SORCS2: variants seen among roughly 807,000 people sequenced by gnomAD.
The protein encoded by SORCS2 is sortilin related VPS10 domain containing receptor 2, also known as VPS10 domain-containing receptor SorCS2.
A neutral mutation model predicts 141.6 loss-of-function variants in SORCS2; 100 were observed. That is an observed-to-expected ratio of 0.71 (90% CI 0.60 to 0.83). SORCS2 has a LOEUF of 0.83. Among genes scored for constraint, SORCS2 ranks in the 40% least tolerant of loss-of-function variants. The probability of loss-of-function intolerance (pLI) is 0.00; values close to 1 mark genes in which losing one functional copy is unlikely to be tolerated. For synonymous variants in SORCS2, 789 were observed against 676.9 expected (o/e 1.17, Z -2.57); for missense variants, 1,646 against 1,560.2 (o/e 1.05, Z -0.93).
intron 3 of SORCS2, among the ~76,000 whole-genome samples, chr4:7,620,426 A>G (rs994873983): frequency 3.3e-5 from 5 of 152,192 alleles, no homozygotes; most frequent in Non-Finnish European, 7.4e-5. Flanking sequence ...CCCTGGGGAT[A>G]CAGCCCTGGC....
At chr4:7,636,986 G>A (rs1380953218) in intron 3 of SORCS2, among the ~76,000 whole-genome samples, 1 of 152,098 alleles carries the variant, frequency 6.6e-6, no homozygotes, top group Non-Finnish European at 1.5e-5. Context: ...GTGATGTGCA[G>A]ATGTGTCCCC....
rs1424120699 is a variant in SORCS2, at chr4:7,712,813, G to A, written c.1949G>A (p.Gly650Asp). 1 of 1,613,948 alleles carries A rather than the reference G, an allele frequency of 6.2e-7. No homozygotes were observed. The highest frequency in any genetic ancestry group is 1.7e-5 in the Admixed American group (1 of 60,026). ...CGGCCCTCATTCTCCAGGCAGTGCG[G>A]CGAGGAGGACTACAGCTCCTGGGAG... ...DFRPSFSRQC[G>D]EEDYSSWELS... The change falls in exon 15 of 27, where the codon GGC (glycine) becomes GAC (aspartate). Residue 650 changes from glycine to aspartate, a missense_variant. Physicochemically the swap from Gly to Asp is moderately conservative, Grantham distance 94. Coordinates refer to ENST00000507866, the MANE Select transcript of SORCS2 (RefSeq NM_020777.3).
intron 3 of SORCS2, among the ~76,000 whole-genome samples, chr4:7,580,948 G>T (rs1716102370): frequency 1.3e-5 from 2 of 152,154 alleles, no homozygotes; most frequent in East Asian, 3.9e-4. Context: ...ATGCCCTGGG[G>T]TGTTTATTCT....
Position 7,617,376 on chromosome 4 carries a change from A to G in SORCS2, c.649-20952A>G, listed in dbSNP as rs113020295. Among the ~76,000 whole-genome samples the G allele has an allele frequency of 7.9e-3, 1,203 of 151,548 alleles. 23 individuals carry two copies. The highest frequency in any genetic ancestry group is 0.028 in the African/African-American group (1,156 of 41,264). ...TATGCACCTACCCATCCACCCACCC[A>G]CCCGTGCATGCATACACCCTTTCCT... On this transcript the variant is annotated intron_variant, in intron 3 of 26. Transcript: ENST00000507866.
chr4:7,388,913 G>T (rs1660863735), intron 1 of SORCS2, among the ~76,000 whole-genome samples: 1 of 152,150 alleles, frequency 6.6e-6, no homozygotes, highest in East Asian at 1.9e-4. Flanking sequence ...TTGTGGTGTT[G>T]TGGTGTTGTG....
intron 2 of SORCS2, among the ~76,000 whole-genome samples, chr4:7,486,925 T>C (rs1731024344): frequency 6.6e-6 from 1 of 152,238 alleles, no homozygotes; most frequent in African/African-American, 2.4e-5. Context: ...CCAAATAAGG[T>C]CACATTCAGA....
intron 2 of SORCS2, among the ~76,000 whole-genome samples, chr4:7,447,239 G>T (rs1220713154): frequency 6.6e-6 from 1 of 152,146 alleles, no homozygotes; most frequent in Non-Finnish European, 1.5e-5. Flanking sequence ...GAGGGGAAGG[G>T]TGCCTAGGCC....
At chr4:7,231,380 A>T (rs1711870970) in intron 1 of SORCS2, among the ~76,000 whole-genome samples, 1 of 152,226 alleles carries the variant, frequency 6.6e-6, no homozygotes, top group African/African-American at 2.4e-5. Flanking sequence ...ACACCCCTGC[A>T]GAAATACCCA....
chr4:7,606,437 G>A (rs1224211215), intron 3 of SORCS2, among the ~76,000 whole-genome samples: 4 of 152,076 alleles, frequency 2.6e-5, no homozygotes, highest in Non-Finnish European at 5.9e-5. Flanking sequence ...CTGGCTTCTC[G>A]TTCCGACTCC....
At chr4:7,486,919 A>T (rs576270660) in intron 2 of SORCS2, among the ~76,000 whole-genome samples, 1 of 152,332 alleles carries the variant, frequency 6.6e-6, no homozygotes, top group South Asian at 2.1e-4. Context: ...CTTTCTCCAA[A>T]TAAGGTCACA....
At chr4:7,416,487 C>T (rs1264701697) in intron 2 of SORCS2, among the ~76,000 whole-genome samples, 5 of 152,148 alleles carry the variant, frequency 3.3e-5, no homozygotes, top group Admixed American at 6.5e-5. Context: ...CACTCATGCA[C>T]GCTCACACAG....
intron 1 of SORCS2, among the ~76,000 whole-genome samples, chr4:7,209,995 C>T (rs1055474419): frequency 4.6e-5 from 7 of 152,194 alleles, no homozygotes; most frequent in African/African-American, 1.7e-4. Context: ...TTACAGCCCT[C>T]TGGGACGGGA....
In SORCS2 at chr4:7,676,101, G is replaced by C; in HGVS notation, c.1213G>C (p.Glu405Gln). The C allele has an allele frequency of 6.3e-7, 1 of 1,587,342 alleles. No individual in the cohort carries two copies. The highest frequency in any genetic ancestry group is 2.3e-5 in the East Asian group (1 of 43,604). The change falls in exon 9 of 27, where the codon GAG becomes CAG. Residue 405 changes from glutamate to glutamine, a missense_variant. Glu to Gln is a conservative substitution (Grantham distance 29, BLOSUM62 2). Coordinates refer to ENST00000507866, the MANE Select transcript of SORCS2 (RefSeq NM_020777.3). ...DESQVFVAVQEWYQMDTYNLY... is the reference protein window; with the variant it reads ...DESQVFVAVQQWYQMDTYNLY... ...GAGTCAGGTGTTCGTGGCGGTGCAG[G>C]AGTGGTACCAGATGGACACCTACAA...
chr4:7,556,707 T>C (rs1714132723), intron 3 of SORCS2, among the ~76,000 whole-genome samples: 1 of 148,540 alleles, frequency 6.7e-6, no homozygotes, highest in South Asian at 2.2e-4. Flanking sequence ...CACCTACCCA[T>C]CCACCATTCA....
intron 1 of SORCS2, among the ~76,000 whole-genome samples, chr4:7,326,933 G>C (rs946782855): frequency 6.6e-5 from 10 of 151,726 alleles, no homozygotes; most frequent in African/African-American, 2.4e-4. Flanking sequence ...GGCAGTCAGG[G>C]TGCAGTGGCC....
At chr4:7,485,352 C>A (rs1036467178) in intron 2 of SORCS2, among the ~76,000 whole-genome samples, 10 of 152,238 alleles carry the variant, frequency 6.6e-5, no homozygotes, top group Non-Finnish European at 1.3e-4. Context: ...GCCATCCCAG[C>A]CAAGGCCCCG....
chr4:7,665,765 A>G (rs1722465010), intron 7 of SORCS2, among the ~76,000 whole-genome samples: 3 of 152,248 alleles, frequency 2.0e-5, no homozygotes, highest in East Asian at 1.9e-4. Flanking sequence ...ATGTCCACTA[A>G]GTACCAGAGC....
chr4:7,388,788 C>T (rs1451805692), intron 1 of SORCS2, among the ~76,000 whole-genome samples: 1 of 152,178 alleles, frequency 6.6e-6, no homozygotes, highest in East Asian at 1.9e-4. Flanking sequence ...CCTTTTTCGT[C>T]CTTCCCATCC....
intron 3 of SORCS2, among the ~76,000 whole-genome samples, chr4:7,598,839 C>A (rs370121358): frequency 3.3e-5 from 5 of 152,348 alleles, no homozygotes; most frequent in East Asian, 1.9e-4. Context: ...TGTTCTCCCC[C>A]CCAGGCTGTG....
Sources: allele counts gnomAD v4.1 joint callset (sites outside exome capture counted in the v4.1 genomes callset), GRCh38; gene constraint gnomAD v4.1.1; transcripts MANE v1.5; gene names NCBI Gene and HGNC (gene_info 2026-07-23, HGNC 2026-07-21).